Variants in ANO1 observed in about 807,000 individuals in gnomAD.
ANO1 encodes anoctamin-1.
A neutral mutation model predicts 124.0 loss-of-function variants in ANO1; 59 were observed. The observed-to-expected ratio is 0.48, with a 90% CI of 0.39 to 0.59. ANO1 has a LOEUF of 0.59. Among genes scored for constraint, ANO1 ranks in the 20% least tolerant of loss-of-function variants. ANO1 has a pLI of 0.00. For synonymous variants in ANO1, 529 were observed against 532.0 expected (o/e 0.99, Z 0.08); for missense variants, 1,059 against 1,328.0 (o/e 0.80, Z 3.15).
At chr11:70,079,571 G>A (rs986251138) in intron 1 of ANO1, among the ~76,000 whole-genome samples, 1 of 152,186 alleles carries the variant, frequency 6.6e-6, no homozygotes, top group Non-Finnish European at 1.5e-5. Flanking sequence ...GGATAGGACA[G>A]GGCTGGGACT....
chr11:70,012,170 CTAT>C (rs2120354777), intron 1 of ANO1, among the ~76,000 whole-genome samples: 1 of 151,918 alleles, frequency 6.6e-6, no homozygotes, highest in South Asian at 2.1e-4. Context: ...ATTGTTCCAT[CTAT>C]CTATCCATCC....
At chr11:70,067,419 C>T (rs184385022) in intron 1 of ANO1, among the ~76,000 whole-genome samples, 4 of 151,646 alleles carry the variant, frequency 2.6e-5, no homozygotes, top group African/African-American at 9.7e-5. Context: ...CCTCCACCCC[C>T]TAGGTTTAAG....
intron 1 of ANO1, among the ~76,000 whole-genome samples, chr11:69,992,216 AGATG>A (rs59821789): frequency 0.14 from 20,582 of 147,024 alleles, 1,569 homozygotes; most frequent in Admixed American, 0.2. Flanking sequence ...ACGAATGGAT[AGATG>A]GATGGATGGA....
chr11:70,134,946 C>T (rs944962134), intron 11 of ANO1, among the ~76,000 whole-genome samples: 1 of 152,188 alleles, frequency 6.6e-6, no homozygotes, highest in Non-Finnish European at 1.5e-5. Flanking sequence ...CTGAGAAGAA[C>T]TTAGTGTGCT....
At chr11:70,062,063 C>CTTTTTTTTTT (rs1857593075) in intron 1 of ANO1, among the ~76,000 whole-genome samples, 4 of 76,696 alleles carry the variant, frequency 5.2e-5, no homozygotes, top group African/African-American at 4.2e-5. Context: ...CTCTTTCCTT[C>CTTTTTTTTTT]TTTCTTTTTT....
At chr11:70,003,609 GGA>G (rs1565158111) in intron 1 of ANO1, among the ~76,000 whole-genome samples, 2,387 of 138,374 alleles carry the variant, frequency 0.017, 57 homozygotes, top group East Asian at 0.075. Flanking sequence ...ATGGATGGAT[GGA>G]TGGATGGATG....
intron 22 of ANO1, among the ~76,000 whole-genome samples, chr11:70,172,110 AAC>A (rs2048494570): frequency 1.5e-5 from 2 of 135,972 alleles, no homozygotes; most frequent in Non-Finnish European, 3.1e-5. Context: ...ACAGAGAGAG[AAC>A]CTGTCTTAAA....
intron 1 of ANO1, among the ~76,000 whole-genome samples, chr11:70,083,725 G>C (rs2044270522): frequency 1.3e-5 from 2 of 152,138 alleles, no homozygotes; most frequent in Admixed American, 1.3e-4. Context: ...AGTGTTTATG[G>C]AGCCCCAACC....
chr11:70,123,887 G>A (rs2046389665), intron 8 of ANO1, among the ~76,000 whole-genome samples: 1 of 152,178 alleles, frequency 6.6e-6, no homozygotes, highest in South Asian at 2.1e-4. Flanking sequence ...CAAAGCCTGG[G>A]GGGGTAACAG....
chr11:70,143,242 G>A (rs2047223674), intron 11 of ANO1, among the ~76,000 whole-genome samples: 1 of 152,144 alleles, frequency 6.6e-6, no homozygotes, highest in Non-Finnish European at 1.5e-5. Context: ...CTACAGAGCG[G>A]GTTGCAGCTC....
chr11:70,044,776 T>C (rs1857234010), intron 1 of ANO1, among the ~76,000 whole-genome samples: 1 of 152,148 alleles, frequency 6.6e-6, no homozygotes, highest in Non-Finnish European at 1.5e-5. Context: ...ACAAAGGCTG[T>C]TACGATGATA....
chr11:70,018,374 G>C (rs1259656361), intron 1 of ANO1: 4 of 152,106 alleles, frequency 2.6e-5, no homozygotes, highest in African/African-American at 9.7e-5. Context: ...AAAAAATAAA[G>C]AATTTCAAGA....
intron 1 of ANO1, among the ~76,000 whole-genome samples, chr11:70,025,043 T>C (rs189490799): frequency 6.6e-6 from 1 of 152,252 alleles, no homozygotes; most frequent in East Asian, 1.9e-4. Context: ...GGAAAAAAGA[T>C]GGACAAGAAA....
chr11:70,156,876 C>T lies in ANO1; in HGVS notation c.1504-71C>T, dbSNP rs551233185. The T allele has an allele frequency of 6.1e-5, 88 of 1,436,192 alleles. No individual in the cohort carries two copies. In the African/African-American group the frequency reaches 1.1e-3, roughly 18 times the overall value. 89.0% of individuals were successfully genotyped at this position (1,436,192 alleles called of 1,614,324 possible). On this transcript the variant is annotated intron_variant, in intron 15 of 25. Coordinates refer to ENST00000355303, the MANE Select transcript of ANO1 (RefSeq NM_018043.7). ...GGGCCCATGCACGCACGCACATGCACCCACGCTGACACACAGAGATGTCTC... is the reference window on the plus strand; with the variant it reads ...GGGCCCATGCACGCACGCACATGCATCCACGCTGACACACAGAGATGTCTC...
At chr11:69,979,254 C>T in the ANO1 span, among the ~76,000 whole-genome samples, 2 of 152,294 alleles carry the variant, frequency 1.3e-5, no homozygotes, top group East Asian at 3.9e-4. Context: ...TCTTTTTGCT[C>T]CTGGTAATAA....
chr11:69,985,907 G>C (rs1343684101), exon 1 of ANO1: 1 of 152,266 alleles, frequency 6.6e-6, no homozygotes. Flanking sequence ...CGGCGCGGCC[G>C]TGAGCGAGGG....
At chr11:70,098,307 C>A (rs2045100525) in intron 2 of ANO1, among the ~76,000 whole-genome samples, 1 of 152,214 alleles carries the variant, frequency 6.6e-6, no homozygotes, top group Non-Finnish European at 1.5e-5. Context: ...CCAAACCCCA[C>A]CAACGATGAG....
intron 21 of ANO1, among the ~76,000 whole-genome samples, 188 bp downstream of exon 21, chr11:70,167,575 C>T (rs951268066): frequency 3.3e-5 from 5 of 152,134 alleles, no homozygotes; most frequent in Non-Finnish European, 5.9e-5. Flanking sequence ...CCCCTTGGGT[C>T]GGTGAGCATG....
At chr11:70,055,724 C>A (rs1857422753) in intron 1 of ANO1, among the ~76,000 whole-genome samples, 1 of 152,000 alleles carries the variant, frequency 6.6e-6, no homozygotes. Context: ...AGTTTTATAG[C>A]TGTACCATTT....
Sources: gnomAD v4.1 joint callset for allele counts (sites outside exome capture counted in the v4.1 genomes callset) on GRCh38, gnomAD v4.1.1 for gene constraint, MANE v1.5 for transcripts, NCBI Gene and HGNC (gene_info 2026-07-23, HGNC 2026-07-21) for gene names.